The following APBB1 variants were observed in gnomAD, a reference collection of about 807,000 sequenced individuals.
APBB1 encodes adaptor protein FE65a2.
In APBB1, 22 loss-of-function variants were observed where a neutral mutation model predicts 78.4. The ratio of observed to expected loss-of-function variants is 0.28; its 90% CI spans 0.20 to 0.40. The LOEUF (loss-of-function observed/expected upper bound fraction) is 0.40. APBB1 is among the 10% of genes least tolerant of loss of function. APBB1 has a pLI of 1.00. For missense variants in APBB1, 749 were observed against 932.4 expected (o/e 0.80, Z 2.56); for synonymous variants, 369 against 372.7 (o/e 0.99, Z 0.12).
chr11:6,402,556 C>G lies in APBB1; in HGVS notation c.1254+20G>C. ...CACACTCTCACAGTACCACCCCCTA[C>G]CCCCGGCTCAGGTCCTTACTTCCCC... On this transcript the variant is annotated intron_variant, in intron 7 of 14. Transcript: ENST00000609360. 6.2e-7 allele frequency: 1 copy of G among 1,611,538 alleles called. No homozygotes were observed. Among genetic ancestry groups the G allele is most frequent in the Non-Finnish European group, 8.5e-7 (1 of 1,177,738 alleles).
intron 1 of APBB1, among the ~76,000 whole-genome samples, chr11:6,415,235 G>C (rs75790468): frequency 6.6e-6 from 1 of 152,176 alleles, no homozygotes; most frequent in African/African-American, 2.4e-5. Flanking sequence ...CAGGGGCCTC[G>C]GGGCAGGAAG....
chr11:6,401,471 A>G lies in APBB1; in HGVS notation c.1504-42T>C, dbSNP rs1019740359. The G allele has an allele frequency of 4.8e-5, 77 of 1,612,774 alleles. No homozygotes were observed. Among genetic ancestry groups the G allele is most frequent in the Non-Finnish European group, 6.5e-5 (77 of 1,178,952 alleles). On this transcript the variant is annotated intron_variant, in intron 10 of 14. Transcript: ENST00000609360. The surrounding 1 kb of genome is among the most constrained non-coding windows in gnomAD (Gnocchi z 4.5). ...GGCGAGGAGCCAGGGAGAATCTATT[A>G]GAGCCTCATTGCCCTGGGGCCCCCC...
At chr11:6,418,881 C>A (rs1849186866) in intron 1 of APBB1, 104 bp downstream of exon 1, 1 of 360,634 alleles carries the variant, frequency 2.8e-6, no homozygotes, top group Non-Finnish European at 5.0e-6. Context: ...ATGGGGCCGG[C>A]CGGGGGACCC....
rs760336707 is a variant in APBB1 at position 6,395,777 on chromosome 11, G to C, written c.1965+9C>G. On this transcript the variant is annotated intron_variant, in intron 14 of 14. Coordinates refer to ENST00000609360, the MANE Select transcript of APBB1 (RefSeq NM_001164.5). The surrounding 1 kb of genome is among the most constrained non-coding windows in gnomAD (Gnocchi z 5.2). ...ACGCCACCACCACACCACCCTACTAGTAGCTTACCATGCACGCAGCCTGCA... is the reference window on the plus strand; with the variant it reads ...ACGCCACCACCACACCACCCTACTACTAGCTTACCATGCACGCAGCCTGCA... 1.4e-5 allele frequency: 16 copies of C among 1,169,900 alleles called. No individual in the cohort carries two copies. Among genetic ancestry groups the C allele is most frequent in the Admixed American group, 9.1e-5 (4 of 43,830 alleles). The allele number at this position is 1,169,900 out of a possible 1,614,324, so 72.5% of individuals were successfully genotyped here. A position where few individuals can be genotyped will look rare whatever the true frequency, so the allele number is the denominator to read the frequency against.
Position 6,411,447 on chromosome 11 carries a change from C to G in APBB1, c.-14-86G>C. The G allele has an allele frequency of 1.7e-6, 2 of 1,199,710 alleles. No homozygotes were observed. The highest frequency in any genetic ancestry group is 2.3e-6 in the Non-Finnish European group (2 of 862,848). 74.3% of individuals were successfully genotyped at this position (1,199,710 alleles called of 1,614,324 possible). A position where few individuals can be genotyped will look rare whatever the true frequency, so the allele number is the denominator to read the frequency against. On this transcript the variant is annotated intron_variant, in intron 1 of 14. Transcript: ENST00000609360. This position sits in a 1 kb window ranked among gnomAD's most constrained non-coding sequence, Gnocchi z 5.2. ...TTCTGCCCCAGGGCTATGCCCTGTG[C>G]CTCCTCATCTCCCTGCACTAAGCAG...
At chr11:6,402,385 C>T (rs892006340) in intron 7 of APBB1, 176 bp from the exon 8 acceptor site, 10 of 1,124,092 alleles carry the variant, frequency 8.9e-6, no homozygotes, top group Non-Finnish European at 1.3e-5. Flanking sequence ...CACATTGACT[C>T]CACCGTTGTT....
intron 1 of APBB1, among the ~76,000 whole-genome samples, chr11:6,413,913 A>G (rs1047250405): frequency 2.0e-5 from 3 of 152,168 alleles, no homozygotes; most frequent in African/African-American, 7.2e-5. Context: ...CTCCTGGCCA[A>G]TGAGAAAACT....
At chr11:6,408,649 C>T (rs1347332309) in intron 2 of APBB1, among the ~76,000 whole-genome samples, 3 of 152,090 alleles carry the variant, frequency 2.0e-5, no homozygotes, top group East Asian at 1.9e-4. Flanking sequence ...GGATTACAGG[C>T]GTTTGTAACC....
Position 6,411,404 on chromosome 11 carries a change from G to A in APBB1, c.-14-43C>T. 6.7e-7 allele frequency: 1 copy of A among 1,486,572 alleles called. No homozygotes were observed. Among genetic ancestry groups the A allele is most frequent in the Non-Finnish European group, 9.0e-7 (1 of 1,111,814 alleles). The allele number at this position is 1,486,572 out of a possible 1,614,324, so 92.1% of individuals were successfully genotyped here. A position where few individuals can be genotyped will look rare whatever the true frequency, so the allele number is the denominator to read the frequency against. ...GAGATGCTGTTGAGCCTCTGGTCCA[G>A]AACAGCAGCATCACTGCTTCTGCCC... is the stretch of plus-strand genomic sequence containing the variant. On this transcript the variant is annotated intron_variant, in intron 1 of 14. Transcript: ENST00000609360. This position sits in a 1 kb window ranked among gnomAD's most constrained non-coding sequence, Gnocchi z 5.2.
chr11:6,403,332 C>T lies in APBB1; in HGVS notation c.1027G>A (p.Ala343Thr), dbSNP rs774997932. The T allele has an allele frequency of 2.0e-5, 32 of 1,614,032 alleles. No individual in the cohort carries two copies. Among genetic ancestry groups the T allele is most frequent in the Admixed American group, 3.3e-5 (2 of 60,002 alleles). The part of the protein sequence containing the change: ...EPEEGTLTFP[A>T]QSLSPEPLPQ... ...CTGGCAGCTCACCTGAGGCTCTGAG[C>T]TGGGAAGGTCAACGTCCCCTCCTCA... Residue 343 changes from alanine to threonine, a missense_variant, in exon 5 of 15, where the codon GCT becomes ACT. Coordinates refer to ENST00000609360, the MANE Select transcript of APBB1 (RefSeq NM_001164.5). The surrounding 1 kb of genome is among the most constrained non-coding windows in gnomAD (Gnocchi z 5.3).
intron 1 of APBB1, among the ~76,000 whole-genome samples, chr11:6,413,178 G>A (rs1398974592): frequency 2.6e-5 from 4 of 151,762 alleles, no homozygotes; most frequent in Admixed American, 2.6e-4. Flanking sequence ...CTCATCCTGA[G>A]CCCTCCATGC....
At chr11:6,405,174 A>C in intron 2 of APBB1, 1 of 1,151,940 alleles carries the variant, frequency 8.7e-7, no homozygotes, top group Non-Finnish European at 1.1e-6. Flanking sequence ...ATACCAGGAG[A>C]CTCAGCCCCT....
chr11:6,404,515 C>T lies in APBB1; in HGVS notation c.722-693G>A. ...TCAGACACACGGCACACGTCAAACC[C>T]TGCCAAATGTGTGCAGACACCACAG... is the stretch of plus-strand genomic sequence containing the variant. On this transcript the variant is annotated intron_variant, in intron 2 of 14. Coordinates refer to ENST00000609360, the MANE Select transcript of APBB1 (RefSeq NM_001164.5). The T allele has an allele frequency of 2.8e-6, 4 of 1,452,860 alleles. No individual in the cohort carries two copies. The South Asian group carries it at 3.8e-5, about 14-fold the overall frequency. The allele number at this position is 1,452,860 out of a possible 1,614,324, so 90.0% of individuals were successfully genotyped here.
At chr11:6,405,398 C>G in intron 2 of APBB1, 1 of 987,624 alleles carries the variant, frequency 1.0e-6, no homozygotes, top group Non-Finnish European at 1.2e-6. Flanking sequence ...TGCCAGGGCC[C>G]AGCTAGGCTG....
chr11:6,406,083 C>G (rs538276341), intron 2 of APBB1, among the ~76,000 whole-genome samples: 18 of 152,336 alleles, frequency 1.2e-4, no homozygotes, highest in African/African-American at 2.9e-4. Flanking sequence ...AGTTTCTCCC[C>G]CCTTGGCCAT....
At chr11:6,412,697 C>A (rs1449752505) in intron 1 of APBB1, among the ~76,000 whole-genome samples, 16 of 152,174 alleles carry the variant, frequency 1.1e-4, no homozygotes, top group Admixed American at 1.0e-3. Flanking sequence ...ATGCCTAGTG[C>A]CTAGCGTAGT....
At chr11:6,399,479 C>T (rs977997176) in intron 12 of APBB1, among the ~76,000 whole-genome samples, 2 of 152,210 alleles carry the variant, frequency 1.3e-5, no homozygotes, top group Non-Finnish European at 2.9e-5. Flanking sequence ...TCACCCACAT[C>T]GAACCAATCA....
At position 6,411,317 on chromosome 11, in the gene APBB1, C is replaced by A. The variant is rs1408539322; in HGVS notation, c.31G>T (p.Ala11Ser). The A allele has an allele frequency of 1.3e-6, 2 of 1,552,876 alleles. No homozygotes were observed. The highest frequency in any genetic ancestry group is 1.2e-5 in the South Asian group (1 of 80,624). Residue 11 changes from alanine to serine, a missense_variant, in exon 2 of 15, where the codon GCC (alanine) becomes TCC (serine). Ala to Ser is a moderately conservative substitution (Grantham distance 99). This residue lies in a region of APBB1 where 635 missense variants were observed against 765.0 expected (regional missense o/e 0.83). Transcript: ENST00000609360. This position sits in a 1 kb window ranked among gnomAD's most constrained non-coding sequence, Gnocchi z 5.2. The part of the protein sequence containing the change: MSVPSSLSQS[A>S]INANSHGGPA... ...CCTCCGTGGCTGTTGGCATTAATGG[C>A]CGACTGGCTCAGTGATGATGGAACA... is the stretch of plus-strand genomic sequence containing the variant.
In APBB1 at chr11:6,410,894, TCTC is replaced by T. The variant is rs2134100303; in HGVS notation, c.451_453del (p.Glu151del). ...TCCTCCTCGGCCTCCCCGGCCGCCT[TCTC>T]CTCTCCCTCATCTGGCCCCTGCTCT... On this transcript the variant is annotated inframe_deletion, in exon 2 of 15. Coordinates refer to ENST00000609360, the MANE Select transcript of APBB1 (RefSeq NM_001164.5). 2 of 1,614,078 alleles carry T rather than the reference TCTC, an allele frequency of 1.2e-6. No homozygotes were observed. Among genetic ancestry groups the T allele is most frequent in the Non-Finnish European group, 1.7e-6 (2 of 1,180,008 alleles).
Sources: gnomAD v4.1 joint callset for allele counts (sites outside exome capture counted in the v4.1 genomes callset) on GRCh38, gnomAD v4.1.1 for gene constraint, gnomAD v4.1.1 regional missense constraint, Gnocchi (gnomAD v3.1) non-coding constraint, MANE v1.5 for transcripts, NCBI Gene and HGNC (gene_info 2026-07-23, HGNC 2026-07-21) for gene names.